Variants in DAB1 observed in about 807,000 individuals in gnomAD.
DAB1 encodes DAB adaptor protein 1, also known as disabled homolog 1.
A neutral mutation model predicts 64.6 loss-of-function variants in DAB1; 15 were observed. The observed-to-expected ratio is 0.23, with a 90% confidence interval of 0.16 to 0.36. The LOEUF is 0.36. Ranked by LOEUF, DAB1 falls within the 10% of genes least tolerant of loss-of-function variation. The probability of loss-of-function intolerance (pLI) is 1.00; values close to 1 mark genes in which losing one functional copy is unlikely to be tolerated. For synonymous variants in DAB1, 235 were observed against 251.9 expected (o/e 0.93, Z 0.64); for missense variants, 596 against 706.7 (o/e 0.84, Z 1.78).
intron 5 of DAB1, among the ~76,000 whole-genome samples, chr1:58,094,502 C>A (rs1305188341): frequency 2.6e-5 from 4 of 152,200 alleles, no homozygotes; most frequent in Non-Finnish European, 5.9e-5. Flanking sequence ...ATTCAAACTC[C>A]AGCTCTGCCA....
chr1:57,148,934 C>A (rs912906382), intron 2 of DAB1, among the ~76,000 whole-genome samples: 1 of 152,134 alleles, frequency 6.6e-6, no homozygotes, highest in Non-Finnish European at 1.5e-5. Context: ...ATAACCATCA[C>A]CACTATCTAA....
intron 5 of DAB1, among the ~76,000 whole-genome samples, chr1:57,959,142 A>T (rs1345973738): frequency 6.6e-6 from 1 of 152,218 alleles, no homozygotes; most frequent in Non-Finnish European, 1.5e-5. Flanking sequence ...AGTCTTTGAT[A>T]CTGACTCTGC....
At chr1:58,529,372 AC>A in intron 1 of DAB1, among the ~76,000 whole-genome samples, 1 of 152,228 alleles carries the variant, frequency 6.6e-6, no homozygotes, top group East Asian at 1.9e-4. Context: ...AAGATGTAAA[AC>A]AAAAAAATTA....
intron 7 of DAB1, among the ~76,000 whole-genome samples, chr1:57,622,608 T>A (rs1310176791): frequency 1.3e-5 from 2 of 152,206 alleles, no homozygotes; most frequent in Admixed American, 1.3e-4. Context: ...ACTAGGAAAC[T>A]GAGACAGAGA....
At chr1:57,831,063 G>A (rs560532086) in intron 1 of DAB1, among the ~76,000 whole-genome samples, 19 of 152,180 alleles carry the variant, frequency 1.2e-4, no homozygotes, top group African/African-American at 3.6e-4. Context: ...ACAGGCGCCC[G>A]CCACCATGCT....
chr1:57,303,023 G>A (rs1384945849), intron 1 of DAB1, among the ~76,000 whole-genome samples: 1 of 152,154 alleles, frequency 6.6e-6, no homozygotes, highest in Non-Finnish European at 1.5e-5. Flanking sequence ...AAGTGCTGGT[G>A]GAAAGCAGAG....
At position 57,735,989 on chromosome 1, in the gene DAB1, A is replaced by G. The variant is rs116566746; in HGVS notation, n.552-86324T>C. Among the ~76,000 whole-genome samples, 1,114 of 152,280 alleles carry G rather than the reference A, an allele frequency of 7.3e-3. 9 individuals carry two copies. Among genetic ancestry groups the G allele is most frequent in the African/African-American group, 0.025 (1,056 of 41,562 alleles). ...GAGGGACCTTCCAAGTCCTCAAGGA[A>G]TTTCATGGAGACACATTCAAATGCC... On this transcript the variant is annotated intron_variant and non_coding_transcript_variant, in intron 6 of 20. Coordinates refer to the DAB1 transcript ENST00000485760.
At chr1:57,550,572 C>A (rs1409639133) in intron 7 of DAB1, among the ~76,000 whole-genome samples, 1 of 150,394 alleles carries the variant, frequency 6.6e-6, no homozygotes, top group Non-Finnish European at 1.5e-5. Flanking sequence ...CTGTCTATTG[C>A]CTGCAATCGA....
chr1:58,475,780 A>T (rs1404133064), intron 3 of DAB1, among the ~76,000 whole-genome samples: 1 of 152,198 alleles, frequency 6.6e-6, no homozygotes, highest in East Asian at 1.9e-4. Flanking sequence ...CAGGGCAAAT[A>T]TTACTATCCT....
At chr1:57,439,010 G>A (rs1685805368) in intron 7 of DAB1, among the ~76,000 whole-genome samples, 1 of 152,194 alleles carries the variant, frequency 6.6e-6, no homozygotes, top group African/African-American at 2.4e-5. Context: ...CCCAAGCTAA[G>A]TCAGTCAACA....
intron 1 of DAB1, among the ~76,000 whole-genome samples, chr1:57,329,544 T>A (rs754519440): frequency 2.0e-5 from 3 of 152,036 alleles, no homozygotes; most frequent in Non-Finnish European, 4.4e-5. Context: ...TTTGAAACCT[T>A]TCTTCAGTGT....
At chr1:58,066,279 C>G (rs566398358) in intron 5 of DAB1, among the ~76,000 whole-genome samples, 7 of 152,148 alleles carry the variant, frequency 4.6e-5, no homozygotes, top group Non-Finnish European at 8.8e-5. Context: ...GTTAAACACA[C>G]CAGCCAGGGG....
chr1:58,199,106 CAAAAACA>C (rs1288373559), intron 4 of DAB1, among the ~76,000 whole-genome samples: 5 of 151,940 alleles, frequency 3.3e-5, no homozygotes, highest in South Asian at 4.2e-4. Context: ...GACTCAGTCT[CAAAAACA>C]AAAAACAAAA....
intron 5 of DAB1, chr1:58,047,846 T>TC (rs1217453803): frequency 4.1e-6 from 1 of 244,784 alleles, no homozygotes; most frequent in African/African-American, 2.3e-5. Context: ...AACTACTTTT[T>TC]TTAAGGCATT....
At chr1:58,305,559 ATC>A (rs1382407924) in intron 4 of DAB1, among the ~76,000 whole-genome samples, 1 of 152,210 alleles carries the variant, frequency 6.6e-6, no homozygotes, top group Non-Finnish European at 1.5e-5. Context: ...TGTGACAAAC[ATC>A]TCTGTGTGTA....
At chr1:57,548,270 A>G (rs1644877237) in intron 7 of DAB1, among the ~76,000 whole-genome samples, 1 of 152,142 alleles carries the variant, frequency 6.6e-6, no homozygotes, top group Non-Finnish European at 1.5e-5. Context: ...TATTATTATT[A>G]TCATCCCATT....
rs750802181 is a variant in DAB1, at chr1:57,618,895, TGTGACCTTG to T, written n.625+30688_625+30696del. Among the ~76,000 whole-genome samples the T allele has an allele frequency of 2.0e-3, 300 of 152,272 alleles. 1 individual carries two copies. The highest frequency in any genetic ancestry group is 0.014 in the Middle Eastern group (4 of 294). On this transcript the variant is annotated intron_variant and non_coding_transcript_variant, in intron 7 of 20. Coordinates refer to the DAB1 transcript ENST00000485760. ...TCAAATCCTGGCTCTGCAACAACTT[TGTGACCTTG>T]GGCAACTGACTGAACTGCTCTGTGC...
intron 4 of DAB1, among the ~76,000 whole-genome samples, chr1:57,128,199 A>G (rs1267048821): frequency 6.7e-6 from 1 of 149,680 alleles, no homozygotes; most frequent in Non-Finnish European, 1.5e-5. Flanking sequence ...AAATAATACA[A>G]TTCTTTAGAG....
chr1:57,176,855 T>C (rs1046690715), intron 2 of DAB1, among the ~76,000 whole-genome samples: 1 of 151,160 alleles, frequency 6.6e-6, no homozygotes, highest in African/African-American at 2.4e-5. Flanking sequence ...ATCTTTCTAA[T>C]ATGAACTTTG....
Sources: gnomAD v4.1 joint callset for allele counts (sites outside exome capture counted in the v4.1 genomes callset) on GRCh38, gnomAD v4.1.1 for gene constraint, MANE v1.5 for transcripts, NCBI Gene and HGNC (gene_info 2026-07-23, HGNC 2026-07-21) for gene names.